The following CNTN4 variants were observed in gnomAD, a reference collection of about 807,000 sequenced individuals.
CNTN4 encodes the protein contactin 4, also known as contactin-4.
Under a neutral mutation model 122.5 loss-of-function variants are expected in CNTN4, and 77 were observed. That is an observed-to-expected ratio of 0.63 (90% CI 0.52 to 0.76). CNTN4 has a LOEUF of 0.76. Among genes scored for constraint, CNTN4 ranks in the 30% least tolerant of loss-of-function variants. The pLI, the probability that CNTN4 is intolerant of heterozygous loss-of-function variation, is 0.00. For missense variants in CNTN4, 1,256 were observed against 1,259.1 expected, an observed-to-expected ratio of 1.00 and a Z score of 0.04; for synonymous variants, 512 against 447.0, an observed-to-expected ratio of 1.15 and a Z score of -1.83.
At position 2,866,870 on chromosome 3, in the gene CNTN4, T is replaced by C; in HGVS notation, c.573T>C (p.Asn191=). The C allele has an allele frequency of 1.2e-6, 2 of 1,614,058 alleles. No homozygotes were observed. Among genetic ancestry groups the C allele is most frequent in the Non-Finnish European group, 1.7e-6 (2 of 1,179,946 alleles). ...IAKVEKSDVG[N]YTCVVTNTVT... is the part of the protein sequence containing the mutation. Reference sequence around the variant, plus strand: ...AAGTAGAAAAATCAGATGTTGGGAATTATACCTGTGTGGTTACCAATACCG... The same window carrying C: ...AAGTAGAAAAATCAGATGTTGGGAACTATACCTGTGTGGTTACCAATACCG... Residue 191 remains asparagine, a synonymous_variant, in exon 8 of 25, where the codon AAT becomes AAC. Coordinates refer to ENST00000418658, the MANE Select transcript of CNTN4 (RefSeq NM_175607.3).
rs151020788 is a variant in CNTN4 at position 2,724,599 on chromosome 3, AAGAC to A, written c.56-11612_56-11609del. On this transcript the variant is annotated intron_variant, in intron 4 of 24. Coordinates refer to ENST00000418658, the MANE Select transcript of CNTN4 (RefSeq NM_175607.3). Reference sequence around the variant, plus strand: ...ATTACAAACCTGAAACATTTAGAGAAAGACAGAAGTAGGGTACTTTAGCTGCCAA... The same window carrying A: ...ATTACAAACCTGAAACATTTAGAGAAAGAAGTAGGGTACTTTAGCTGCCAA... Among the ~76,000 whole-genome samples, 1,033 of 152,276 alleles carry A rather than the reference AAGAC, an allele frequency of 6.8e-3. 16 individuals carry two copies. Among genetic ancestry groups the A allele is most frequent in the African/African-American group, 0.024 (995 of 41,560 alleles).
At chr3:2,312,462 G>C (rs888753429) in intron 2 of CNTN4, among the ~76,000 whole-genome samples, 1 of 151,978 alleles carries the variant, frequency 6.6e-6, no homozygotes, top group Non-Finnish European at 1.5e-5. Context: ...AATCTTGCTG[G>C]TGTAAACTTC....
At chr3:2,639,408 A>T (rs1265473463) in intron 4 of CNTN4, among the ~76,000 whole-genome samples, 1 of 152,042 alleles carries the variant, frequency 6.6e-6, no homozygotes, top group Non-Finnish European at 1.5e-5. Flanking sequence ...TTCCTCAAAA[A>T]TTTGCTCAGA....
chr3:2,480,407 G>T (rs1193177382), intron 3 of CNTN4, among the ~76,000 whole-genome samples: 2 of 152,136 alleles, frequency 1.3e-5, no homozygotes, highest in African/African-American at 4.8e-5. Context: ...ATAAATAATT[G>T]TAACCGAGAT....
intron 3 of CNTN4, among the ~76,000 whole-genome samples, chr3:2,384,622 C>T (rs1363413153): frequency 6.6e-6 from 1 of 152,086 alleles, no homozygotes; most frequent in Non-Finnish European, 1.5e-5. Context: ...TAAAATTACT[C>T]CCTTTGTGGA....
Position 2,900,678 on chromosome 3 carries a change from C to A in CNTN4, c.941-7C>A. ...TACACCTTTCTTTGCTTTTTGGATG[C>A]CTATAGCTCAACCTAATTGGATTCA... On this transcript the variant is annotated splice_region_variant and splice_polypyrimidine_tract_variant and intron_variant, in intron 10 of 24. Transcript: ENST00000418658. The A allele has an allele frequency of 1.2e-6, 2 of 1,613,332 alleles. No individual in the cohort carries two copies. Among genetic ancestry groups the A allele is most frequent in the Non-Finnish European group, 1.7e-6 (2 of 1,179,412 alleles).
At chr3:2,451,686 T>C (rs1277738573) in intron 3 of CNTN4, among the ~76,000 whole-genome samples, 1 of 152,166 alleles carries the variant, frequency 6.6e-6, no homozygotes, top group Non-Finnish European at 1.5e-5. Context: ...TTTTCTTTAG[T>C]GTGTATATTT....
chr3:2,621,308 A>T (rs116114864), intron 4 of CNTN4, among the ~76,000 whole-genome samples: 3,508 of 152,272 alleles, frequency 0.023, 125 homozygotes, highest in African/African-American at 0.079. Flanking sequence ...CACAAGTTTT[A>T]TTCTAATCGT....
intron 13 of CNTN4, among the ~76,000 whole-genome samples, chr3:2,941,565 A>G (rs1414216027): frequency 6.6e-6 from 1 of 152,118 alleles, no homozygotes; most frequent in Admixed American, 6.5e-5. Flanking sequence ...AATTTTAAAA[A>G]CTTTACTTCC....
chr3:2,919,871 A>C (rs2094410176), intron 12 of CNTN4, among the ~76,000 whole-genome samples: 1 of 152,198 alleles, frequency 6.6e-6, no homozygotes, highest in African/African-American at 2.4e-5. Context: ...CAACATGTTG[A>C]TTATATAAGA....
intron 15 of CNTN4, among the ~76,000 whole-genome samples, chr3:3,029,003 C>T (rs763346638): frequency 1.1e-4 from 16 of 150,128 alleles, no homozygotes; most frequent in East Asian, 5.8e-4. Flanking sequence ...TAGTGTACTA[C>T]GGTCCTGAGT....
intron 3 of CNTN4, among the ~76,000 whole-genome samples, chr3:2,339,636 C>T (rs2044105161): frequency 6.6e-6 from 1 of 152,168 alleles, no homozygotes; most frequent in Non-Finnish European, 1.5e-5. Context: ...CCTATAAATA[C>T]TCAGATCTTA....
chr3:2,147,170 T>C (rs2035285519), intron 2 of CNTN4, among the ~76,000 whole-genome samples: 1 of 152,094 alleles, frequency 6.6e-6, no homozygotes, highest in Non-Finnish European at 1.5e-5. Context: ...TGAGCCACTG[T>C]GCCTGGCCTC....
chr3:2,589,817 G>T (rs879757612), intron 4 of CNTN4, among the ~76,000 whole-genome samples: 2 of 152,202 alleles, frequency 1.3e-5, no homozygotes, highest in Non-Finnish European at 2.9e-5. Flanking sequence ...ACCGCATGGA[G>T]CTCCCTATGG....
intron 6 of CNTN4, among the ~76,000 whole-genome samples, chr3:2,789,518 C>T (rs912823187): frequency 7.9e-5 from 12 of 152,128 alleles, no homozygotes; most frequent in African/African-American, 1.9e-4. Flanking sequence ...CTGCAACCTC[C>T]GCCTCCCGGG....
chr3:2,108,103 C>A (rs776613066), intron 2 of CNTN4, among the ~76,000 whole-genome samples: 5 of 152,010 alleles, frequency 3.3e-5, no homozygotes, highest in Admixed American at 1.3e-4. Flanking sequence ...TATCCTCCCC[C>A]AGGCTTGCAG....
intron 2 of CNTN4, among the ~76,000 whole-genome samples, chr3:2,228,691 A>C (rs539978099): frequency 1.1e-4 from 17 of 152,262 alleles, no homozygotes; most frequent in African/African-American, 3.6e-4. Flanking sequence ...CCTTACTGAG[A>C]GCTGAGTTTT....
intron 4 of CNTN4, among the ~76,000 whole-genome samples, chr3:2,599,527 T>G (rs2080930868): frequency 6.6e-6 from 1 of 152,178 alleles, no homozygotes; most frequent in African/African-American, 2.4e-5. Context: ...GAGTAACAAG[T>G]CCCATGTGTG....
chr3:2,711,661 G>A (rs1363672341), intron 4 of CNTN4, among the ~76,000 whole-genome samples: 1 of 152,134 alleles, frequency 6.6e-6, no homozygotes, highest in Non-Finnish European at 1.5e-5. Context: ...ATGGCAGAAG[G>A]AGAATTACTC....
Sources: gnomAD v4.1 joint callset for allele counts (sites outside exome capture counted in the v4.1 genomes callset) on GRCh38, gnomAD v4.1.1 for gene constraint, MANE v1.5 for transcripts, NCBI Gene and HGNC (gene_info 2026-07-23, HGNC 2026-07-21) for gene names.